UBE2A: variants seen among roughly 807,000 people sequenced by gnomAD.
UBE2A encodes the protein ubiquitin-conjugating enzyme E2 A.
For missense variants in UBE2A, 27 were observed against 125.8 expected, an observed-to-expected ratio of 0.21 and a Z score of 3.76; for synonymous variants, 39 against 41.1, an observed-to-expected ratio of 0.95 and a Z score of 0.20.
At chrX:119,574,837 T>TGGGGAGCGGC in intron 1 of UBE2A, 64 bp from the exon 2 acceptor site, 1 of 1,202,080 alleles carries the variant, frequency 8.3e-7, no homozygotes, top group Non-Finnish European at 1.1e-6. Flanking sequence ...CGGGGAGGGC[T>TGGGGAGCGGC]GGGGAGCGGC....
chrX:119,579,625 C>G (rs914057998), intron 3 of UBE2A, among the ~76,000 whole-genome samples: 17 of 111,977 alleles, frequency 1.5e-4, no homozygotes, highest in Admixed American at 2.8e-4. Context: ...CAAAGTCTCA[C>G]AGCTAGTAAG....
rs1359629989 is a variant in UBE2A at position 119,584,088 on chromosome X, G to GT, written c.*837dup. 8.9e-6 allele frequency: 1 copy of GT among 112,225 alleles called. No homozygotes were observed. The highest frequency in any genetic ancestry group is 1.9e-5 in the Non-Finnish European group (1 of 53,189). The allele number at this position is 112,225 out of a possible 1,213,427, so 9.2% of individuals were successfully genotyped here. On this transcript the variant is annotated 3_prime_UTR_variant, in exon 6 of 6. Coordinates refer to ENST00000371558, the MANE Select transcript of UBE2A (RefSeq NM_003336.4). ...CTCAATTGTCCATCTTTATTTTAGA[G>GT]TTTTAATGAATTCAAGGAAGGGAGC...
In UBE2A at chrX:119,582,949, T is replaced by TA. The variant is rs887191386; in HGVS notation, c.331-165dup. ...GCAACATAGTGAGACTCTTCTCCCT[T>TA]AAAAAAAAAAAAAGCCGCATATATT... On this transcript the variant is annotated intron_variant, in intron 5 of 5. Transcript: ENST00000371558. 3.3e-3 allele frequency among the ~76,000 whole-genome samples: 326 copies of TA among 97,531 alleles called. 2 individuals are homozygous for TA. Among genetic ancestry groups the TA allele is most frequent in the African/African-American group, 8.6e-3 (233 of 26,955 alleles). The allele number at this position is 97,531 out of a possible 115,157, so 84.7% of individuals were successfully genotyped here. A position where few individuals can be genotyped will look rare whatever the true frequency, so the allele number is the denominator to read the frequency against.
chrX:119,578,938 G>C (rs2053434803), intron 3 of UBE2A, among the ~76,000 whole-genome samples: 1 of 112,078 alleles, frequency 8.9e-6, no homozygotes, highest in African/African-American at 3.2e-5. Context: ...TAAATATTCA[G>C]AGGGTAAGCT....
At position 119,575,274 on chromosome X, in the gene UBE2A, A is replaced by G. The variant is rs376834729; in HGVS notation, c.126-101A>G. On this transcript the variant is annotated intron_variant, in intron 2 of 5. Coordinates refer to ENST00000371558, the MANE Select transcript of UBE2A (RefSeq NM_003336.4). The stretch of plus-strand genomic sequence containing the variant: ...ATTTGTAGTGGCTTCCGACCCCGGT[A>G]GCGGTGCTGGAGATGGCAGAGCTCG... 7.6e-5 allele frequency: 85 copies of G among 1,123,085 alleles called. No homozygotes were observed. In the African/African-American group the frequency reaches 9.9e-4, roughly 13 times the overall value. The allele number at this position is 1,123,085 out of a possible 1,213,427, so 92.6% of individuals were successfully genotyped here.
At chrX:119,580,806 CATG>C (rs2053444878) in intron 3 of UBE2A, 1 of 111,751 alleles carries the variant, frequency 8.9e-6, no homozygotes, top group Non-Finnish European at 1.9e-5. Context: ...TTGCTGGAAA[CATG>C]AATGCAATCT....
rs779440588 is a variant in UBE2A at position 119,583,262 on chromosome X, G to A, written c.*7G>A. On this transcript the variant is annotated 3_prime_UTR_variant, in exon 6 of 6. Coordinates refer to ENST00000371558, the MANE Select transcript of UBE2A (RefSeq NM_003336.4). ...AAGCTGGCGTGATTGTTGACCCCGG[G>A]TACAGTTTAAAGAAGCTGGCCATAA... 1 of 1,211,402 alleles carries A rather than the reference G, an allele frequency of 8.3e-7. No individual in the cohort carries two copies. Among genetic ancestry groups the A allele is most frequent in the Admixed American group, 2.2e-5 (1 of 45,965 alleles).
chrX:119,579,823 G>C (rs1473650690), intron 3 of UBE2A, among the ~76,000 whole-genome samples: 2 of 112,203 alleles, frequency 1.8e-5, no homozygotes, highest in African/African-American at 6.5e-5. Context: ...TTTTAGAGCA[G>C]TGTCTCTTAC....
At chrX:119,576,603 T>C (rs2053417748) in intron 3 of UBE2A, among the ~76,000 whole-genome samples, 1 of 111,911 alleles carries the variant, frequency 8.9e-6, no homozygotes, top group Admixed American at 9.5e-5. Flanking sequence ...GCCGGATTGC[T>C]TTTTGATGCT....
chrX:119,577,078 C>G (rs1361064880), intron 3 of UBE2A: 1 of 110,977 alleles, frequency 9.0e-6, no homozygotes, highest in Non-Finnish European at 1.9e-5. Flanking sequence ...TGTGCGACAC[C>G]GCGCCCGGCT....
intron 3 of UBE2A, chrX:119,575,638 A>T (rs939290360): frequency 7.4e-6 from 3 of 403,861 alleles, no homozygotes; most frequent in Non-Finnish European, 1.3e-5. Flanking sequence ...GTCACTTTTT[A>T]AAAGGAGCAA....
chrX:119,574,576 A>G lies in UBE2A; in HGVS notation c.-136A>G. ...TTAGCCGGCGCCAGACCGACCCTCG[A>G]CTTCGGAGAGGCAGCGCGGTTCCTC... On this transcript the variant is annotated 5_prime_UTR_variant, in exon 1 of 6. Transcript: ENST00000371558. 3 of 892,133 alleles carry G rather than the reference A, an allele frequency of 3.4e-6. No homozygotes were observed. 73.5% of individuals were successfully genotyped at this position (892,133 alleles called of 1,213,427 possible).
At chrX:119,582,026 T>G (rs1394086371) in intron 4 of UBE2A, among the ~76,000 whole-genome samples, 1 of 112,425 alleles carries the variant, frequency 8.9e-6, no homozygotes. Flanking sequence ...TGAATAGGAT[T>G]CTGTTGTTGA....
chrX:119,579,716 A>G (rs980090275), intron 3 of UBE2A, among the ~76,000 whole-genome samples: 2 of 111,887 alleles, frequency 1.8e-5, no homozygotes, highest in Non-Finnish European at 3.8e-5. Flanking sequence ...GTTTTTGCTT[A>G]TGGCTTCCCT....
intron 2 of UBE2A, 43 bp from the exon 3 acceptor site, chrX:119,575,329 AGGG>A: frequency 8.3e-7 from 1 of 1,210,712 alleles, no homozygotes; most frequent in Non-Finnish European, 1.1e-6. Flanking sequence ...AGCAGGGAGA[AGGG>A]GGCCCCTTAA....
chrX:119,583,281 G>A lies in UBE2A; in HGVS notation c.*26G>A. The A allele has an allele frequency of 1.7e-6, 2 of 1,210,627 alleles. No homozygotes were observed. Among genetic ancestry groups the A allele is most frequent in the African/African-American group, 3.5e-5 (2 of 57,595 alleles). ...CCCCGGGTACAGTTTAAAGAAGCTG[G>A]CCATAAGAAAAATATATATTGATGT... On this transcript the variant is annotated 3_prime_UTR_variant, in exon 6 of 6. Transcript: ENST00000371558.
chrX:119,576,435 TA>T (rs1433357682), intron 3 of UBE2A, among the ~76,000 whole-genome samples: 2 of 110,835 alleles, frequency 1.8e-5, no homozygotes, highest in Non-Finnish European at 3.8e-5. Context: ...TTTGAGGTTT[TA>T]AAAAAAAGGA....
chrX:119,574,810 T>C (rs981561455), intron 1 of UBE2A, 55 bp downstream of exon 1: 59 of 1,183,802 alleles, frequency 5.0e-5, no homozygotes, highest in Non-Finnish European at 6.5e-5. Flanking sequence ...ACAGGGCGGG[T>C]CCCGAGGCGC....
chrX:119,576,817 A>G (rs2053419034), intron 3 of UBE2A: 2 of 112,782 alleles, frequency 1.8e-5, no homozygotes, highest in African/African-American at 6.4e-5. Context: ...TTGTAAGGGC[A>G]TACTACTTTG....
Sources: gnomAD v4.1 joint callset for allele counts (sites outside exome capture counted in the v4.1 genomes callset) on GRCh38, gnomAD v4.1.1 for gene constraint, MANE v1.5 for transcripts, NCBI Gene and HGNC (gene_info 2026-07-23, HGNC 2026-07-21) for gene names.